Variants in LIMK1 observed in about 807,000 individuals in gnomAD.
LIMK1 encodes the protein LIM motif-containing protein kinase.
A neutral mutation model predicts 77.6 loss-of-function variants in LIMK1; 21 were observed. The observed-to-expected ratio is 0.27, with a 90% CI of 0.19 to 0.39. The LOEUF is 0.39. LIMK1 is among the 10% of genes least tolerant of loss of function. The pLI is 1.00. For synonymous variants in LIMK1, 358 were observed against 370.0 expected, an observed-to-expected ratio of 0.97 and a Z score of 0.37; for missense variants, 696 against 901.6, an observed-to-expected ratio of 0.77 and a Z score of 2.92.
At chr7:74,121,118 C>A (rs781890844) in intron 15 of LIMK1, 21 bp from the exon 16 acceptor site, 5 of 1,608,510 alleles carry the variant, frequency 3.1e-6, no homozygotes, top group Admixed American at 1.7e-5. Context: ...ACCCACCGTT[C>A]CCCACCCACC....
In LIMK1 at chr7:74,120,360, A is replaced by G. The variant is rs1407143340; in HGVS notation, c.1568-223A>G. ...GATCGGTGCCTCGAACTCCTTGTCC[A>G]GGGCTCTGCCCCTTGCTCCTCAGAG... On this transcript the variant is annotated intron_variant, in intron 13 of 15. Transcript: ENST00000336180. 2.0e-5 allele frequency among the ~76,000 whole-genome samples: 3 copies of G among 152,328 alleles called. No individual in the cohort carries two copies. In the East Asian group the frequency reaches 5.8e-4, roughly 29 times the overall value.
chr7:74,121,125 CACCT>C lies in LIMK1; in HGVS notation c.1782-13_1782-10del. ...ACAGCCAGACCCACCGTTCCCCACC[CACCT>C]GTCACCCAGGCCATCCTTTGTGAAG... On this transcript the variant is annotated splice_polypyrimidine_tract_variant and intron_variant, in intron 15 of 15. Coordinates refer to ENST00000336180, the MANE Select transcript of LIMK1 (RefSeq NM_002314.4). The C allele has an allele frequency of 1.2e-6, 2 of 1,610,828 alleles. No individual in the cohort carries two copies. Among genetic ancestry groups the C allele is most frequent in the Middle Eastern group, 1.7e-4 (1 of 6,036 alleles).
intron 2 of LIMK1, among the ~76,000 whole-genome samples, chr7:74,087,946 C>T (rs1167862065): frequency 6.6e-6 from 1 of 151,890 alleles, no homozygotes; most frequent in African/African-American, 2.4e-5. Flanking sequence ...CTTGCTGTGT[C>T]ACCCAGGCTG....
At chr7:74,085,593 A>G (rs549988447) in intron 1 of LIMK1, among the ~76,000 whole-genome samples, 155 bp from the exon 2 acceptor site, 14 of 152,300 alleles carry the variant, frequency 9.2e-5, no homozygotes, top group African/African-American at 2.6e-4. Context: ...TTCTTCTCCT[A>G]TTTGGCACAG....
At chr7:74,088,733 C>T (rs1395080100) in intron 2 of LIMK1, among the ~76,000 whole-genome samples, 2 of 142,686 alleles carry the variant, frequency 1.4e-5, no homozygotes, top group Admixed American at 7.6e-5. Context: ...ACCTGGGAGG[C>T]GGAGGCTGCA....
intron 2 of LIMK1, among the ~76,000 whole-genome samples, chr7:74,093,724 C>T (rs1034426809): frequency 6.6e-6 from 1 of 152,146 alleles, no homozygotes. Context: ...TGGAGTGGGG[C>T]CAGGGCATGG....
At chr7:74,115,488 G>GGGAGGGAGCGCTTGCA (rs1481985882) in intron 12 of LIMK1, 1 of 326,554 alleles carries the variant, frequency 3.1e-6, no homozygotes, top group Non-Finnish European at 5.7e-6. Flanking sequence ...CCCCGCAGGT[G>GGGAGGGAGCGCTTGCA]GGAGGGAGCG....
rs899535826 is a variant in LIMK1, at chr7:74,116,514, G to A, written c.1567+556G>A. Among the ~76,000 whole-genome samples, 3 of 152,098 alleles carry A rather than the reference G, an allele frequency of 2.0e-5. No homozygotes were observed. The East Asian group carries it at 5.8e-4, about 29-fold the overall frequency. ...AGCCTCACCGGGCTGAAATCAAGACGCCGGTAGGGTGAGCTCCTTCTGCAG... is the reference window on the plus strand; with the variant it reads ...AGCCTCACCGGGCTGAAATCAAGACACCGGTAGGGTGAGCTCCTTCTGCAG... On this transcript the variant is annotated intron_variant, in intron 13 of 15. Coordinates refer to ENST00000336180, the MANE Select transcript of LIMK1 (RefSeq NM_002314.4).
chr7:74,118,579 A>G (rs1799868473), intron 13 of LIMK1, among the ~76,000 whole-genome samples: 1 of 151,628 alleles, frequency 6.6e-6, no homozygotes. Flanking sequence ...GTGAAACCCC[A>G]TCTCTACTAA....
chr7:74,118,377 A>AACACACACACACACAC (rs57707215), intron 13 of LIMK1, among the ~76,000 whole-genome samples: 1 of 130,046 alleles, frequency 7.7e-6, no homozygotes, highest in Non-Finnish European at 1.6e-5. Context: ...CTCTGTGTCA[A>AACACACACACACACAC]ACACACACAC....
At chr7:74,094,605 C>T (rs1799303592) in intron 2 of LIMK1, among the ~76,000 whole-genome samples, 1 of 152,196 alleles carries the variant, frequency 6.6e-6, no homozygotes, top group African/African-American at 2.4e-5. Context: ...GTGGGGGCTT[C>T]TGCGAGGGCA....
At chr7:74,104,538 T>C (rs1165702454) in intron 5 of LIMK1, among the ~76,000 whole-genome samples, 1 of 150,986 alleles carries the variant, frequency 6.6e-6, no homozygotes, top group Non-Finnish European at 1.5e-5. Flanking sequence ...GGCAAGAGAA[T>C]CACTTGAACC....
At chr7:74,093,647 C>T (rs1584109334) in intron 2 of LIMK1, among the ~76,000 whole-genome samples, 4 of 152,210 alleles carry the variant, frequency 2.6e-5, no homozygotes, top group Admixed American at 2.0e-4. Flanking sequence ...TCATGCCCTC[C>T]GGGTGCCTCC....
chr7:74,118,692 G>A (rs782722817), intron 13 of LIMK1, among the ~76,000 whole-genome samples: 1 of 151,976 alleles, frequency 6.6e-6, no homozygotes, highest in Admixed American at 6.6e-5. Context: ...AGAGGCAGGA[G>A]AGTTGCTTGA....
At chr7:74,120,836 C>T in intron 14 of LIMK1, 56 bp from the exon 15 acceptor site, 1 of 1,609,796 alleles carries the variant, frequency 6.2e-7, no homozygotes, top group South Asian at 1.1e-5. Context: ...TGGATGGCAC[C>T]CAGATGCCCA....
intron 2 of LIMK1, 31 bp from the exon 3 acceptor site, chr7:74,096,591 T>A: frequency 1.2e-6 from 2 of 1,612,736 alleles, no homozygotes; most frequent in East Asian, 4.5e-5. Flanking sequence ...AGGGCGGGAG[T>A]GGACGTCTCA....
At position 74,121,055 on chromosome 7, in the gene LIMK1, T is replaced by G. The variant is rs1584136852; in HGVS notation, c.1781+6T>G. On this transcript the variant is annotated splice_donor_region_variant and intron_variant, in intron 15 of 15. Coordinates refer to ENST00000336180, the MANE Select transcript of LIMK1 (RefSeq NM_002314.4). Reference sequence around the variant, plus strand: ...GATCTGGACCCCGAGAAGAGGTGAGTGGGGTGGGGCCCTGGCCTGGGAGAC... The same window carrying G: ...GATCTGGACCCCGAGAAGAGGTGAGGGGGGTGGGGCCCTGGCCTGGGAGAC... 1 of 1,590,380 alleles carries G rather than the reference T, an allele frequency of 6.3e-7. No homozygotes were observed. Among genetic ancestry groups the G allele is most frequent in the Non-Finnish European group, 8.6e-7 (1 of 1,167,248 alleles).
intron 9 of LIMK1, 60 bp downstream of exon 9, chr7:74,108,017 C>A: frequency 7.9e-7 from 1 of 1,268,164 alleles, no homozygotes; most frequent in Non-Finnish European, 1.1e-6. Context: ...ACCCCTGCCC[C>A]ATCAACACAG....
intron 10 of LIMK1, 126 bp from the exon 11 acceptor site, chr7:74,111,522 A>G: frequency 1.4e-6 from 1 of 725,836 alleles, no homozygotes; most frequent in South Asian, 1.5e-5. Context: ...GCCCGAAGAA[A>G]TCGGGGTGTT....
Sources: allele counts gnomAD v4.1 joint callset (sites outside exome capture counted in the v4.1 genomes callset), GRCh38; gene constraint gnomAD v4.1.1; transcripts MANE v1.5; gene names NCBI Gene and HGNC (gene_info 2026-07-23, HGNC 2026-07-21).